The following ACSS3 variants were observed in gnomAD, a reference collection of about 807,000 sequenced individuals.
ACSS3 encodes acyl-CoA synthetase short chain family member 3.
Under a neutral mutation model 84.2 loss-of-function variants are expected in ACSS3, and 64 were observed. The observed-to-expected ratio is 0.76, with a 90% CI of 0.62 to 0.94. The LOEUF (loss-of-function observed/expected upper bound fraction) is 0.94, where lower values mean the gene tolerates loss of function less well. ACSS3 is among the 40% of genes least tolerant of loss of function. The pLI, the probability that ACSS3 is intolerant of heterozygous loss-of-function variation, is 0.00. For synonymous variants in ACSS3, 317 were observed against 310.1 expected, an observed-to-expected ratio of 1.02 and a Z score of -0.23; for missense variants, 815 against 867.6, an observed-to-expected ratio of 0.94 and a Z score of 0.76.
intron 13 of ACSS3, among the ~76,000 whole-genome samples, chr12:81,240,391 G>A (rs1023745489): frequency 6.6e-6 from 1 of 151,780 alleles, no homozygotes. Flanking sequence ...AATTAGCATG[G>A]TATAACTTTC....
At position 81,109,635 on chromosome 12, in the gene ACSS3, T is replaced by G. The variant is rs765809210; in HGVS notation, c.387T>G (p.Ile129Met). The G allele has an allele frequency of 1.2e-6, 2 of 1,612,972 alleles. No individual in the cohort carries two copies. The highest frequency in any genetic ancestry group is 1.7e-6 in the Non-Finnish European group (2 of 1,179,410). ...TTGAAAATGGTAAAGGGGATAAGAT[T>G]GCTATCATCTATGACAGTCCTGTTA... ...RHIENGKGDK[I>M]AIIYDSPVTN... Residue 129 changes from isoleucine to methionine, a missense_variant, in exon 2 of 16, where the codon ATT (isoleucine) becomes ATG (methionine). Ile to Met is a conservative substitution (Grantham distance 10). Transcript: ENST00000548058.
At chr12:81,191,069 A>C (rs1479697953) in intron 8 of ACSS3, among the ~76,000 whole-genome samples, 1 of 152,028 alleles carries the variant, frequency 6.6e-6, no homozygotes, top group African/African-American at 2.4e-5. Context: ...AATCTTGTGG[A>C]AAGTTCAGAG....
intron 11 of ACSS3, among the ~76,000 whole-genome samples, chr12:81,226,482 G>C (rs1179810170): frequency 6.6e-6 from 1 of 151,590 alleles, no homozygotes; most frequent in Non-Finnish European, 1.5e-5. Flanking sequence ...ATCCACCCAG[G>C]CTCATCTGTC....
chr12:81,243,374 G>T (rs1171985024), intron 13 of ACSS3, among the ~76,000 whole-genome samples: 1 of 152,168 alleles, frequency 6.6e-6, no homozygotes, highest in Non-Finnish European at 1.5e-5. Flanking sequence ...ACAAAGAAAT[G>T]CAAGAACATT....
At chr12:81,141,541 T>C (rs1886093414) in intron 4 of ACSS3, among the ~76,000 whole-genome samples, 1 of 152,198 alleles carries the variant, frequency 6.6e-6, no homozygotes, top group Admixed American at 6.5e-5. Flanking sequence ...AGTAAATGCA[T>C]ATATGTGAAA....
At chr12:81,233,241 T>A in intron 12 of ACSS3, 108 bp from the exon 13 acceptor site, 1 of 1,298,064 alleles carries the variant, frequency 7.7e-7, no homozygotes. Context: ...AAACGGCAAA[T>A]GTTCACAGTA....
At chr12:81,144,455 C>A (rs1362477715) in intron 5 of ACSS3, among the ~76,000 whole-genome samples, 1 of 152,104 alleles carries the variant, frequency 6.6e-6, no homozygotes, top group Admixed American at 6.6e-5. Context: ...TTGAAGCATG[C>A]CATATAATCT....
At chr12:81,128,152 T>A (rs1471549920) in intron 2 of ACSS3, among the ~76,000 whole-genome samples, 1 of 152,070 alleles carries the variant, frequency 6.6e-6, no homozygotes, top group Non-Finnish European at 1.5e-5. Context: ...TTGTTGCATT[T>A]TCTTTACAAT....
At chr12:81,188,688 G>A (rs1047200069) in intron 8 of ACSS3, among the ~76,000 whole-genome samples, 7 of 152,140 alleles carry the variant, frequency 4.6e-5, no homozygotes, top group East Asian at 1.9e-4. Context: ...AAGTTTGCGC[G>A]TCAAAGTGGT....
chr12:81,116,658 G>T (rs1428534380), intron 2 of ACSS3, among the ~76,000 whole-genome samples: 3 of 152,050 alleles, frequency 2.0e-5, no homozygotes, highest in Non-Finnish European at 4.4e-5. Context: ...CAGAGAAAAA[G>T]CTCCTTGAGA....
At chr12:81,079,826 C>G (rs1402570203) in intron 1 of ACSS3, among the ~76,000 whole-genome samples, 1 of 152,116 alleles carries the variant, frequency 6.6e-6, no homozygotes, top group African/African-American at 2.4e-5. Flanking sequence ...TTTCACTTTC[C>G]TGAAATGCAA....
chr12:81,150,886 T>A (rs1886578033), intron 5 of ACSS3, among the ~76,000 whole-genome samples: 1 of 151,910 alleles, frequency 6.6e-6, no homozygotes, highest in African/African-American at 2.4e-5. Context: ...AAAAAACAAT[T>A]TTTTTTGCAT....
intron 1 of ACSS3, among the ~76,000 whole-genome samples, chr12:81,101,383 A>C (rs2121423784): frequency 6.6e-6 from 1 of 152,250 alleles, no homozygotes; most frequent in South Asian, 2.1e-4. Flanking sequence ...ATAACACAGA[A>C]GTTTTATTAC....
chr12:81,231,559 T>G (rs2033466658), intron 12 of ACSS3, among the ~76,000 whole-genome samples: 1 of 151,888 alleles, frequency 6.6e-6, no homozygotes, highest in South Asian at 2.1e-4. Flanking sequence ...CAAAATCCAT[T>G]CAGCTTGCCC....
chr12:81,133,572 T>C (rs1258624302), intron 2 of ACSS3, among the ~76,000 whole-genome samples: 1 of 152,142 alleles, frequency 6.6e-6, no homozygotes, highest in Non-Finnish European at 1.5e-5. Flanking sequence ...CCACTTTTTT[T>C]CAACTTCTAC....
At chr12:81,132,897 G>A (rs952759643) in intron 2 of ACSS3, among the ~76,000 whole-genome samples, 17 of 152,030 alleles carry the variant, frequency 1.1e-4, no homozygotes, top group African/African-American at 4.1e-4. Context: ...TGATAATGAA[G>A]CATGGTCACT....
intron 7 of ACSS3, 197 bp from the exon 8 acceptor site, chr12:81,174,591 A>G (rs1001823478): frequency 4.1e-6 from 2 of 492,940 alleles, no homozygotes; most frequent in East Asian, 6.4e-5. Flanking sequence ...TAGGATACTA[A>G]AATGGAGCAA....
chr12:81,233,504 A>G (rs370320717), intron 13 of ACSS3, 33 bp downstream of exon 13: 1 of 1,608,228 alleles, frequency 6.2e-7, no homozygotes. Context: ...TATTCCAAGT[A>G]GTGCTTAGGC....
intron 1 of ACSS3, among the ~76,000 whole-genome samples, chr12:81,089,273 T>C (rs10862233): frequency 0.46 from 69,994 of 151,430 alleles, 20,189 homozygotes; most frequent in Non-Finnish European, 0.65. Context: ...CGTTGATGTG[T>C]ACTATTTCTT....
Sources: gnomAD v4.1 joint callset for allele counts (sites outside exome capture counted in the v4.1 genomes callset) on GRCh38, gnomAD v4.1.1 for gene constraint, MANE v1.5 for transcripts, NCBI Gene and HGNC (gene_info 2026-07-23, HGNC 2026-07-21) for gene names.